ANKH: variants seen among roughly 807,000 people sequenced by gnomAD.
The protein encoded by ANKH is mineralization regulator ANKH.
ANKH carries 15 observed loss-of-function variants against 49.0 expected under a neutral mutation model. That is an observed-to-expected ratio of 0.31 (90% CI 0.20 to 0.47). The LOEUF (loss-of-function observed/expected upper bound fraction) is 0.47, where lower values mean the gene tolerates loss of function less well. ANKH is among the 20% of genes least tolerant of loss of function. ANKH has a pLI of 1.00. For missense variants in ANKH, 429 were observed against 652.0 expected, an observed-to-expected ratio of 0.66 and a Z score of 3.72; for synonymous variants, 273 against 260.0, an observed-to-expected ratio of 1.05 and a Z score of -0.48.
chr5:14,845,366 A>AT (rs60459352), intron 1 of ANKH, among the ~76,000 whole-genome samples: 2,155 of 75,706 alleles, frequency 0.028, 27 homozygotes, highest in Non-Finnish European at 0.038. Flanking sequence ...ATATATATAT[A>AT]TTTTTTTTTT....
intron 1 of ANKH, among the ~76,000 whole-genome samples, chr5:14,796,702 C>T (rs1261884287): frequency 1.3e-5 from 2 of 152,108 alleles, no homozygotes; most frequent in African/African-American, 4.8e-5. Context: ...TTGAATCTCC[C>T]CTATTTCCTG....
In ANKH at chr5:14,789,858, G is replaced by A. The variant is rs1255724303; in HGVS notation, c.97-20667C>T. On this transcript the variant is annotated intron_variant, in intron 1 of 11. Transcript: ENST00000284268. ...CCCCAGTAGTTGGGATTATAGTTGCGTGTCACCATGCATGGCTAATTTTGT... is the reference window on the plus strand; with the variant it reads ...CCCCAGTAGTTGGGATTATAGTTGCATGTCACCATGCATGGCTAATTTTGT... Among the ~76,000 whole-genome samples the A allele has an allele frequency of 3.3e-5, 5 of 152,058 alleles. No homozygotes were observed. In the East Asian group the frequency reaches 7.7e-4, roughly 23 times the overall value.
intron 1 of ANKH, among the ~76,000 whole-genome samples, chr5:14,818,377 C>T (rs1031874519): frequency 7.9e-5 from 12 of 152,026 alleles, no homozygotes; most frequent in African/African-American, 1.7e-4. Flanking sequence ...CAGTGGCTCA[C>T]GCCTGTAATC....
intron 1 of ANKH, among the ~76,000 whole-genome samples, chr5:14,798,725 C>A (rs556506485): frequency 2.0e-5 from 3 of 152,158 alleles, no homozygotes; most frequent in African/African-American, 7.2e-5. Flanking sequence ...AAACTGCACC[C>A]ATATTAGATG....
chr5:14,865,606 T>TC (rs937269885), intron 1 of ANKH, among the ~76,000 whole-genome samples: 4 of 152,184 alleles, frequency 2.6e-5, no homozygotes, highest in East Asian at 3.9e-4. Flanking sequence ...TTAAGCACTG[T>TC]CAAAGGAGGT....
chr5:14,796,219 C>T (rs571850721), intron 1 of ANKH, among the ~76,000 whole-genome samples: 10 of 150,992 alleles, frequency 6.6e-5, no homozygotes, highest in African/African-American at 2.4e-4. Context: ...AGCACTTACA[C>T]AGTTAGTCAT....
intron 6 of ANKH, among the ~76,000 whole-genome samples, chr5:14,747,636 C>T (rs919209932): frequency 6.6e-6 from 1 of 152,190 alleles, no homozygotes; most frequent in Non-Finnish European, 1.5e-5. Context: ...AACAAAGCAT[C>T]TAAACCTACA....
At chr5:14,722,858 A>G (rs1737711400) in intron 8 of ANKH, among the ~76,000 whole-genome samples, 1 of 152,082 alleles carries the variant, frequency 6.6e-6, no homozygotes, top group Non-Finnish European at 1.5e-5. Context: ...GGAACACGGC[A>G]GACATGACCC....
chr5:14,730,331 A>G (rs886634722), intron 8 of ANKH, among the ~76,000 whole-genome samples: 1 of 152,206 alleles, frequency 6.6e-6, no homozygotes, highest in Non-Finnish European at 1.5e-5. Flanking sequence ...ATCAGGGAAA[A>G]TTATTTTTTT....
In ANKH at chr5:14,769,006, C is replaced by A. The variant is rs760249447; in HGVS notation, c.282G>T (p.Gly94=). ...GTGTGTGAAAGACGGCAGCGATGGCCCCTGCCACCACCATACACAGGACGG... is the reference window on the plus strand; with the variant it reads ...GTGTGTGAAAGACGGCAGCGATGGCACCTGCCACCACCATACACAGGACGG... The part of the protein sequence containing the change: ...TKAVLCMVVA[G]AIAAVFHTLI... The change falls in exon 2 of 12, where the codon GGG becomes GGT. Residue 94 remains glycine (G), a synonymous_variant. Transcript: ENST00000284268. 1.2e-6 allele frequency: 2 copies of A among 1,614,198 alleles called. No homozygotes were observed. Among genetic ancestry groups the A allele is most frequent in the Non-Finnish European group, 1.7e-6 (2 of 1,180,040 alleles).
At chr5:14,749,884 T>C (rs1294649592) in intron 5 of ANKH, among the ~76,000 whole-genome samples, 2 of 152,264 alleles carry the variant, frequency 1.3e-5, no homozygotes, top group South Asian at 2.1e-4. Context: ...CTAAGACTTC[T>C]GTGGCAAAGG....
At chr5:14,720,143 T>C (rs1319632241) in intron 8 of ANKH, among the ~76,000 whole-genome samples, 1 of 152,230 alleles carries the variant, frequency 6.6e-6, no homozygotes, top group Non-Finnish European at 1.5e-5. Context: ...ATTATAAATA[T>C]GTTTTGCTTT....
chr5:14,716,137 C>G (rs1011600548), intron 9 of ANKH, among the ~76,000 whole-genome samples: 4 of 152,146 alleles, frequency 2.6e-5, no homozygotes, highest in African/African-American at 9.7e-5. Context: ...TTTTATTGTC[C>G]CCAAAGCTCC....
chr5:14,757,821 A>T (rs1027728313), intron 3 of ANKH, among the ~76,000 whole-genome samples: 2 of 152,210 alleles, frequency 1.3e-5, no homozygotes, highest in African/African-American at 4.8e-5. Flanking sequence ...AGACAATTGG[A>T]ACCTGAGTAC....
chr5:14,740,833 C>G (rs1200249175), intron 8 of ANKH, among the ~76,000 whole-genome samples: 1 of 152,246 alleles, frequency 6.6e-6, no homozygotes, highest in Non-Finnish European at 1.5e-5. Context: ...TACTCCAACA[C>G]CTTCACGGCC....
chr5:14,854,798 C>T (rs958074406), intron 1 of ANKH, among the ~76,000 whole-genome samples: 4 of 152,202 alleles, frequency 2.6e-5, no homozygotes, highest in African/African-American at 7.2e-5. Context: ...TCTCTTCCAG[C>T]CCTGCCTTCC....
chr5:14,800,767 C>T (rs1740545262), intron 1 of ANKH, among the ~76,000 whole-genome samples: 2 of 146,456 alleles, frequency 1.4e-5, no homozygotes, highest in African/African-American at 5.1e-5. Context: ...TGCTCCTTTG[C>T]CCAGGTTGGA....
chr5:14,775,208 A>G (rs900983574), intron 1 of ANKH, among the ~76,000 whole-genome samples: 11 of 152,030 alleles, frequency 7.2e-5, no homozygotes, highest in African/African-American at 2.7e-4. Flanking sequence ...ACAGGTGTGC[A>G]CCATCACATT....
At chr5:14,716,985 CTGCT>C (rs1737492053) in intron 8 of ANKH, 150 bp from the exon 9 acceptor site, 2 of 949,352 alleles carry the variant, frequency 2.1e-6, no homozygotes, top group East Asian at 2.8e-5. Flanking sequence ...GATCTGCCAC[CTGCT>C]TGCTTGACTC....
Sources: gnomAD v4.1 joint callset for allele counts (sites outside exome capture counted in the v4.1 genomes callset) on GRCh38, gnomAD v4.1.1 for gene constraint, MANE v1.5 for transcripts, NCBI Gene and HGNC (gene_info 2026-07-23, HGNC 2026-07-21) for gene names.